The following ACOT1 variants were observed in gnomAD, a reference collection of about 807,000 sequenced individuals.
ACOT1 encodes the protein acyl-coenzyme A thioesterase 1.
A neutral mutation model predicts 15.7 loss-of-function variants in ACOT1; 8 were observed. The observed-to-expected ratio is 0.51, with a 90% CI of 0.30 to 0.92. The LOEUF is 0.92. ACOT1 is among the 40% of genes least tolerant of loss of function. ACOT1 has a pLI of 0.06. For synonymous variants in ACOT1, 67 were observed against 241.2 expected, an observed-to-expected ratio of 0.28 and a Z score of 6.69; for missense variants, 151 against 539.4, an observed-to-expected ratio of 0.28 and a Z score of 7.13.
chr14:73,522,206 A>T, the ACOT1 span: 1 of 1,517,004 alleles, frequency 6.6e-7, no homozygotes, highest in Non-Finnish European at 8.9e-7. Flanking sequence ...GTGTGAGTCC[A>T]CCTGGGAGTC....
At chr14:73,516,681 G>A in the ACOT1 span, among the ~76,000 whole-genome samples, 1 of 152,166 alleles carries the variant, frequency 6.6e-6, no homozygotes, top group South Asian at 2.1e-4. Flanking sequence ...GGCCTGTTAG[G>A]AACCGGGCCA....
intron 1 of ACOT1, chr14:73,539,202 C>G (rs1215258998): frequency 8.7e-6 from 1 of 114,512 alleles, no homozygotes; most frequent in Non-Finnish European, 1.9e-5. Flanking sequence ...CAGCTGCTGC[C>G]CCCTGCAGGG....
At chr14:73,506,321 T>TTC in the ACOT1 span, 1 of 617,134 alleles carries the variant, frequency 1.6e-6, no homozygotes, top group Admixed American at 2.7e-5. Context: ...TTGAAGATAA[T>TTC]TCTGGGCTAG....
At chr14:73,502,733 A>G in the ACOT1 span, among the ~76,000 whole-genome samples, 1 of 151,902 alleles carries the variant, frequency 6.6e-6, no homozygotes, top group East Asian at 1.9e-4. Context: ...ATTTTTAGTA[A>G]AGACAGGGTT....
chr14:73,508,751 CAAAAA>C, the ACOT1 span, among the ~76,000 whole-genome samples: 1 of 57,882 alleles, frequency 1.7e-5, no homozygotes, highest in African/African-American at 6.5e-5. Context: ...AACTCTGTCT[CAAAAA>C]AAAAAAAAAA....
At chr14:73,496,555 G>A in the ACOT1 span, 1 of 1,193,850 alleles carries the variant, frequency 8.4e-7, no homozygotes, top group Admixed American at 1.7e-5. Flanking sequence ...AGGAACTCTT[G>A]AGAGTCCTGA....
the ACOT1 span, among the ~76,000 whole-genome samples, chr14:73,528,440 T>C: frequency 6.8e-6 from 1 of 146,862 alleles, no homozygotes. Context: ...TTATCTGATA[T>C]GATGGCTTAT....
At chr14:73,498,335 T>A in the ACOT1 span, 6 of 1,601,944 alleles carry the variant, frequency 3.7e-6, no homozygotes, top group Non-Finnish European at 4.3e-6. Flanking sequence ...TTGCCCAATC[T>A]GTCCCAAAGC....
At chr14:73,496,417 ACCTTGTAAC>A in the ACOT1 span, among the ~76,000 whole-genome samples, 1 of 152,176 alleles carries the variant, frequency 6.6e-6, no homozygotes, top group Non-Finnish European at 1.5e-5. Context: ...TACTAGTAGG[ACCTTGTAAC>A]CCAATCTTGC....
At chr14:73,495,104 AAG>A in the ACOT1 span, 1 of 723,052 alleles carries the variant, frequency 1.4e-6, no homozygotes, top group East Asian at 2.7e-5. Context: ...GCCAAGAGGG[AAG>A]AGAGTACCCT....
chr14:73,496,544 G>T, the ACOT1 span: 2 of 1,053,460 alleles, frequency 1.9e-6, no homozygotes, highest in Non-Finnish European at 3.0e-6. Flanking sequence ...GACAGGGTCT[G>T]AGGAACTCTT....
At chr14:73,542,432 T>C (rs1296420871) in intron 2 of ACOT1, among the ~76,000 whole-genome samples, 1 of 96,844 alleles carries the variant, frequency 1.0e-5, no homozygotes, top group African/African-American at 3.6e-5. Flanking sequence ...TAAGACGGAG[T>C]CTTGCCGTGT....
At chr14:73,522,349 T>C in the ACOT1 span, 1 of 1,614,246 alleles carries the variant, frequency 6.2e-7, no homozygotes, top group South Asian at 1.1e-5. Context: ...CCTCAAACTC[T>C]GCTGTCTCTT....
At chr14:73,526,270 C>T in the ACOT1 span, among the ~76,000 whole-genome samples, 1 of 152,220 alleles carries the variant, frequency 6.6e-6, no homozygotes, top group Non-Finnish European at 1.5e-5. Flanking sequence ...GGAGAATCCT[C>T]AGGTAGAGTG....
At chr14:73,506,411 T>G in the ACOT1 span, 1 of 1,292,644 alleles carries the variant, frequency 7.7e-7, no homozygotes, top group South Asian at 1.2e-5. Context: ...GTAGAAGGCC[T>G]CTGTAGCTCA....
At chr14:73,520,954 G>C in the ACOT1 span, 3 of 1,613,984 alleles carry the variant, frequency 1.9e-6, no homozygotes, top group Non-Finnish European at 2.5e-6. Context: ...GGCTGGGAGA[G>C]GCTCGTCTTT....
the ACOT1 span, among the ~76,000 whole-genome samples, chr14:73,518,308 G>A: frequency 6.6e-6 from 1 of 151,436 alleles, no homozygotes; most frequent in Non-Finnish European, 1.5e-5. Context: ...GGAGGCTGAG[G>A]CAGGGGAATT....
the ACOT1 span, among the ~76,000 whole-genome samples, chr14:73,499,960 T>C: frequency 6.6e-6 from 1 of 152,212 alleles, no homozygotes; most frequent in East Asian, 1.9e-4. Context: ...CCAGGCGCGG[T>C]GGCTCACGCC....
the ACOT1 span, among the ~76,000 whole-genome samples, chr14:73,529,663 A>G: frequency 6.6e-6 from 1 of 152,186 alleles, no homozygotes; most frequent in Non-Finnish European, 1.5e-5. Context: ...CTGTTTGCTT[A>G]TCAGTCGCTT....
Sources: gnomAD v4.1 joint callset for allele counts (sites outside exome capture counted in the v4.1 genomes callset) on GRCh38, gnomAD v4.1.1 for gene constraint, MANE v1.5 for transcripts, NCBI Gene and HGNC (gene_info 2026-07-23, HGNC 2026-07-21) for gene names.